PSORS1C1: variants seen among roughly 807,000 people sequenced by gnomAD.
PSORS1C1 encodes psoriasis susceptibility 1 candidate gene 1 protein.
In PSORS1C1, 7 loss-of-function variants were observed where a neutral mutation model predicts 9.4. The observed-to-expected ratio is 0.75, with a 90% CI of 0.42 to 1.40. The LOEUF is 1.40. Ranked by LOEUF, PSORS1C1 falls within the 40% of genes most tolerant of loss-of-function variation. The pLI is 0.01. For synonymous variants in PSORS1C1, 63 were observed against 69.4 expected (o/e 0.91, Z 0.46); for missense variants, 146 against 178.1 (o/e 0.82, Z 1.02).
chr6:31,121,845 C>G (rs956507542), intron 1 of PSORS1C1, among the ~76,000 whole-genome samples: 1 of 152,248 alleles, frequency 6.6e-6, no homozygotes, highest in African/African-American at 2.4e-5. Flanking sequence ...CCACATGGAG[C>G]AAGTTTAACC....
chr6:31,120,231 C>G (rs906397180), intron 1 of PSORS1C1: 1 of 910,404 alleles, frequency 1.1e-6, no homozygotes, highest in African/African-American at 1.6e-5. Flanking sequence ...AACCCCCAGA[C>G]TCAAAAGGCA....
intron 3 of PSORS1C1, 67 bp from the exon 4 acceptor site, chr6:31,138,363 A>AC: frequency 2.2e-6 from 2 of 912,206 alleles, no homozygotes; most frequent in Non-Finnish European, 3.4e-6. Context: ...CCCCAGCCCC[A>AC]CCCAGCCCCA....
rs3815095 is a variant in PSORS1C1, at chr6:31,125,430, T to A, written c.-228-246T>A. Among the ~76,000 whole-genome samples, 6 of 152,232 alleles carry A rather than the reference T, an allele frequency of 3.9e-5. No individual in the cohort carries two copies. In the East Asian group the frequency reaches 1.2e-3, roughly 29 times the overall value. On this transcript the variant is annotated intron_variant, in intron 1 of 5. Coordinates refer to ENST00000259881, the MANE Select transcript of PSORS1C1 (RefSeq NM_014068.3). ...CAGTAGGGGATGTCCTCTGAGTTGT[T>A]TTTCCTGTGCGGGGAGGGGTGGACT...
At chr6:31,138,302 G>T in intron 3 of PSORS1C1, 128 bp from the exon 4 acceptor site, 1 of 1,597,392 alleles carries the variant, frequency 6.3e-7, no homozygotes. Flanking sequence ...CGCTGCCTGA[G>T]ATGCCTGTAA....
In PSORS1C1 at chr6:31,138,760, G is replaced by C. The variant is rs767159484; in HGVS notation, c.148G>C (p.Glu50Gln). Residue 50 changes from glutamate (E) to glutamine (Q), a missense_variant, in exon 5 of 6, where the codon GAG (glutamate) becomes CAG (glutamine). Transcript: ENST00000259881. ...HVNPDRLCHM[E>Q]PANHFWHAGD... The stretch of plus-strand genomic sequence containing the variant: ...TAATCCTGACCGACTTTGCCACATG[G>C]AGCCAGCAAACCATTTCTGGTGAGA... 1.2e-6 allele frequency: 2 copies of C among 1,614,058 alleles called. No individual in the cohort carries two copies. The highest frequency in any genetic ancestry group is 2.2e-5 in the South Asian group (2 of 91,070).
chr6:31,126,773 T>A (rs1772698437), intron 2 of PSORS1C1, among the ~76,000 whole-genome samples: 1 of 152,048 alleles, frequency 6.6e-6, no homozygotes, highest in South Asian at 2.1e-4. Context: ...CCAAGCTTTC[T>A]TCCCCCCGCT....
At chr6:31,124,369 G>C (rs930760449) in intron 1 of PSORS1C1, among the ~76,000 whole-genome samples, 1 of 152,176 alleles carries the variant, frequency 6.6e-6, no homozygotes, top group Non-Finnish European at 1.5e-5. Flanking sequence ...TTTAACATGA[G>C]TTGTCTTGTT....
rs1773219251 is a variant in PSORS1C1, at chr6:31,137,774, C to T, written c.14-656C>T. 3 of 415,228 alleles carry T rather than the reference C, an allele frequency of 7.2e-6. No homozygotes were observed. In the South Asian group the frequency reaches 2.9e-4, roughly 40 times the overall value. 25.7% of individuals were successfully genotyped at this position (415,228 alleles called of 1,614,324 possible). ...CGATGTGAGGACTAAGTATGGATCT[C>T]AGGAGGGGACAGGAAATATTGAGAA... On this transcript the variant is annotated intron_variant, in intron 3 of 5. Transcript: ENST00000259881.
At chr6:31,121,482 A>T (rs1772461115) in intron 1 of PSORS1C1, among the ~76,000 whole-genome samples, 1 of 152,184 alleles carries the variant, frequency 6.6e-6, no homozygotes, top group African/African-American at 2.4e-5. Flanking sequence ...GAGCCCTGCC[A>T]TCTGCTGAGA....
intron 3 of PSORS1C1, chr6:31,137,653 A>C: frequency 7.0e-5 from 24 of 341,634 alleles, no homozygotes; most frequent in East Asian, 8.8e-5. Flanking sequence ...TGCCCCAGCG[A>C]TCGCGCGGGC....
intron 1 of PSORS1C1, among the ~76,000 whole-genome samples, chr6:31,123,684 G>T (rs557268387): frequency 6.6e-6 from 1 of 152,340 alleles, no homozygotes; most frequent in African/African-American, 2.4e-5. Flanking sequence ...AAGCAGGCAG[G>T]TCACTGTCCC....
intron 3 of PSORS1C1, among the ~76,000 whole-genome samples, chr6:31,132,685 G>T (rs1190337116): frequency 6.6e-6 from 1 of 152,014 alleles, no homozygotes; most frequent in Non-Finnish European, 1.5e-5. Context: ...CATCATTTCT[G>T]CAAGAAATTA....
chr6:31,118,517 C>A (rs1392376742), intron 1 of PSORS1C1: 1 of 152,602 alleles, frequency 6.6e-6, no homozygotes, highest in Non-Finnish European at 1.5e-5. Context: ...TGCCTCTGTC[C>A]AGCCCCTCAT....
intron 1 of PSORS1C1, chr6:31,116,750 C>T: frequency 1.9e-6 from 3 of 1,613,112 alleles, no homozygotes; most frequent in Non-Finnish European, 2.5e-6. Context: ...GATTTGTCTA[C>T]AGAGGTGATT....
chr6:31,117,342 G>T, intron 1 of PSORS1C1: 1 of 1,577,568 alleles, frequency 6.3e-7, no homozygotes, highest in Non-Finnish European at 8.6e-7. Flanking sequence ...ATCCGCTGGA[G>T]CTACCACTGG....
At chr6:31,121,076 A>T (rs889937408) in intron 1 of PSORS1C1, among the ~76,000 whole-genome samples, 3 of 150,416 alleles carry the variant, frequency 2.0e-5, no homozygotes, top group African/African-American at 7.3e-5. Context: ...TCACCTGGGG[A>T]ACTTTCTCCT....
chr6:31,117,958 A>T (rs1269804706), intron 1 of PSORS1C1: 2 of 182,740 alleles, frequency 1.1e-5, no homozygotes, highest in Non-Finnish European at 2.3e-5. Context: ...AATTTTTTTT[A>T]AAAAGAAGAG....
intron 3 of PSORS1C1, among the ~76,000 whole-genome samples, chr6:31,136,789 T>G (rs1458629512): frequency 2.6e-5 from 4 of 152,210 alleles, no homozygotes; most frequent in Non-Finnish European, 2.9e-5. Flanking sequence ...ATGGGCAAGA[T>G]AGGAACTCAA....
intron 1 of PSORS1C1, among the ~76,000 whole-genome samples, chr6:31,123,491 C>T (rs1390903004): frequency 6.6e-6 from 1 of 152,234 alleles, no homozygotes; most frequent in Non-Finnish European, 1.5e-5. Flanking sequence ...GTGACGTCCA[C>T]AGTAGTGCAG....
Sources: allele counts gnomAD v4.1 joint callset (sites outside exome capture counted in the v4.1 genomes callset), GRCh38; gene constraint gnomAD v4.1.1; transcripts MANE v1.5; gene names NCBI Gene and HGNC (gene_info 2026-07-23, HGNC 2026-07-21).